Variants in TNR observed in about 807,000 individuals in gnomAD.
The protein encoded by TNR is tenascin R.
TNR carries 45 observed loss-of-function variants against 150.4 expected under a neutral mutation model. The observed-to-expected ratio is 0.30, with a 90% CI of 0.24 to 0.38. The LOEUF is 0.38. TNR is among the 10% of genes least tolerant of loss of function. The pLI is 1.00. For missense variants in TNR, 1,544 were observed against 1,759.1 expected (o/e 0.88, Z 2.19); for synonymous variants, 687 against 678.4 (o/e 1.01, Z -0.20).
intron 1 of TNR, among the ~76,000 whole-genome samples, chr1:175,586,898 G>T (rs1558022820): frequency 6.6e-6 from 1 of 152,182 alleles, no homozygotes; most frequent in South Asian, 2.1e-4. Flanking sequence ...AGATTGGCCA[G>T]GGCATGTCAG....
chr1:175,732,008 A>G (rs1490976401), intron 1 of TNR, among the ~76,000 whole-genome samples: 1 of 152,064 alleles, frequency 6.6e-6, no homozygotes, highest in East Asian at 1.9e-4. Context: ...TGTCATCTCC[A>G]TCTCTGACTC....
intron 15 of TNR, among the ~76,000 whole-genome samples, chr1:175,356,761 C>T (rs115879453): frequency 0.012 from 1,770 of 152,252 alleles, 41 homozygotes; most frequent in African/African-American, 0.039. Flanking sequence ...CCTTCCTCTC[C>T]ACCACCCTTC....
chr1:175,676,252 G>A (rs1665862899), intron 1 of TNR, among the ~76,000 whole-genome samples: 2 of 152,168 alleles, frequency 1.3e-5, no homozygotes. Context: ...AACCTGAGAG[G>A]CAGGTGGGTG....
chr1:175,716,075 G>A (rs1390473864), intron 1 of TNR, among the ~76,000 whole-genome samples: 1 of 152,144 alleles, frequency 6.6e-6, no homozygotes, highest in Admixed American at 6.6e-5. Flanking sequence ...AATGCAAATG[G>A]AACAATTCTC....
chr1:175,549,866 C>T (rs151333811), intron 1 of TNR, among the ~76,000 whole-genome samples: 3 of 152,246 alleles, frequency 2.0e-5, no homozygotes, highest in Non-Finnish European at 4.4e-5. Flanking sequence ...AGCTGGTCAA[C>T]ACCATGATCC....
intron 18 of TNR, among the ~76,000 whole-genome samples, chr1:175,353,306 T>C (rs768486685): frequency 4.5e-4 from 69 of 152,194 alleles, no homozygotes; most frequent in Non-Finnish European, 7.8e-4. Flanking sequence ...GAGATGATAG[T>C]GCATACCACA....
At chr1:175,395,890 T>C (rs1480286503) in intron 5 of TNR, among the ~76,000 whole-genome samples, 1 of 152,066 alleles carries the variant, frequency 6.6e-6, no homozygotes, top group Non-Finnish European at 1.5e-5. Context: ...CCTTTATGTA[T>C]AAAAAAAACT....
intron 2 of TNR, among the ~76,000 whole-genome samples, chr1:175,460,523 A>G (rs1320050237): frequency 1.3e-5 from 2 of 152,160 alleles, no homozygotes; most frequent in African/African-American, 4.8e-5. Context: ...TTGGATCATC[A>G]CATATTACTT....
At chr1:175,410,596 A>G (rs1654170473) in intron 2 of TNR, among the ~76,000 whole-genome samples, 1 of 152,206 alleles carries the variant, frequency 6.6e-6, no homozygotes, top group African/African-American at 2.4e-5. Flanking sequence ...CCAGGACTGC[A>G]TCTTCCAGCC....
chr1:175,671,930 TG>T (rs1665712587), intron 1 of TNR, among the ~76,000 whole-genome samples: 1 of 151,658 alleles, frequency 6.6e-6, no homozygotes, highest in Non-Finnish European at 1.5e-5. Context: ...TGTGTGTGTG[TG>T]TGTGTGTGTG....
At chr1:175,485,314 C>T (rs751222941) in intron 2 of TNR, among the ~76,000 whole-genome samples, 8 of 152,184 alleles carry the variant, frequency 5.3e-5, no homozygotes, top group African/African-American at 1.4e-4. Flanking sequence ...AAACTGTAAA[C>T]AGCTTTGAGG....
intron 2 of TNR, among the ~76,000 whole-genome samples, chr1:175,524,282 T>C (rs1659760759): frequency 6.6e-6 from 1 of 152,094 alleles, no homozygotes; most frequent in Non-Finnish European, 1.5e-5. Context: ...TTGAATTTGT[T>C]GCACGGGTAG....
At chr1:175,691,292 G>A (rs1227567399) in intron 1 of TNR, among the ~76,000 whole-genome samples, 3 of 152,102 alleles carry the variant, frequency 2.0e-5, no homozygotes, top group East Asian at 3.9e-4. Context: ...TTTCAAAATA[G>A]TAATATTAAT....
At chr1:175,381,484 T>A (rs141707210) in intron 8 of TNR, among the ~76,000 whole-genome samples, 8 of 152,198 alleles carry the variant, frequency 5.3e-5, no homozygotes, top group Middle Eastern at 3.2e-3. Flanking sequence ...ACCTCCAATG[T>A]CAATGATCCT....
chr1:175,607,294 G>C (rs1043002063), intron 1 of TNR, among the ~76,000 whole-genome samples: 1 of 152,186 alleles, frequency 6.6e-6, no homozygotes, highest in East Asian at 1.9e-4. Flanking sequence ...GCCAGATGAA[G>C]GTTCTCTCCT....
chr1:175,696,950 T>G (rs113471266), intron 1 of TNR, among the ~76,000 whole-genome samples: 4 of 152,152 alleles, frequency 2.6e-5, no homozygotes, highest in African/African-American at 9.6e-5. Context: ...AGAGCTTTAT[T>G]AAGTCAAACT....
intron 1 of TNR, among the ~76,000 whole-genome samples, chr1:175,694,144 A>G (rs1193587794): frequency 6.6e-6 from 1 of 152,164 alleles, no homozygotes; most frequent in African/African-American, 2.4e-5. Flanking sequence ...CAATATTTAC[A>G]GTCTAGACTT....
At chr1:175,680,623 G>A (rs1666005628) in intron 1 of TNR, among the ~76,000 whole-genome samples, 1 of 152,128 alleles carries the variant, frequency 6.6e-6, no homozygotes, top group Non-Finnish European at 1.5e-5. Flanking sequence ...GGAAATGCAA[G>A]AGAGACAGAG....
chr1:175,384,558 C>A lies in TNR; in HGVS notation c.1777+1474G>T, dbSNP rs140348468. 3.9e-5 allele frequency among the ~76,000 whole-genome samples: 6 copies of A among 152,320 alleles called. No individual in the cohort carries two copies. In the East Asian group the frequency reaches 9.6e-4, roughly 24 times the overall value. Reference sequence around the variant, plus strand: ...TACTTGCTCCTTTTTAAGGGGGAAGCTTTTCCCTGCCCTTGATGTTTCCTT... The same window carrying A: ...TACTTGCTCCTTTTTAAGGGGGAAGATTTTCCCTGCCCTTGATGTTTCCTT... On this transcript the variant is annotated intron_variant, in intron 8 of 22. Transcript: ENST00000367674.
Sources: gnomAD v4.1 joint callset for allele counts (sites outside exome capture counted in the v4.1 genomes callset) on GRCh38, gnomAD v4.1.1 for gene constraint, MANE v1.5 for transcripts, NCBI Gene and HGNC (gene_info 2026-07-23, HGNC 2026-07-21) for gene names.